PCDHA9: variants seen among roughly 807,000 people sequenced by gnomAD.
PCDHA9 encodes the protein protocadherin alpha-9.
A neutral mutation model predicts 62.0 loss-of-function variants in PCDHA9; 62 were observed. The observed-to-expected ratio is 1.00, with a 90% CI of 0.81 to 1.23. The LOEUF (loss-of-function observed/expected upper bound fraction) is 1.23. Among genes scored for constraint, PCDHA9 ranks in the 50% most tolerant of loss-of-function variants. PCDHA9 has a pLI of 0.00. For missense variants in PCDHA9, 1,205 were observed against 1,249.8 expected (o/e 0.96, Z 0.54); for synonymous variants, 557 against 567.6 (o/e 0.98, Z 0.27).
intron 1 of PCDHA9, among the ~76,000 whole-genome samples, chr5:140,892,823 C>T (rs1554185387): frequency 6.6e-6 from 1 of 152,120 alleles, no homozygotes; most frequent in East Asian, 1.9e-4. Context: ...TCCTACAGTG[C>T]TACAGTGCTG....
chr5:140,965,374 G>A (rs1554227648), intron 1 of PCDHA9, among the ~76,000 whole-genome samples: 1 of 152,098 alleles, frequency 6.6e-6, no homozygotes, highest in Admixed American at 6.6e-5. Flanking sequence ...AGGAAACTTG[G>A]GGACACAGAA....
intron 1 of PCDHA9, among the ~76,000 whole-genome samples, chr5:140,892,332 T>A (rs552266223): frequency 6.6e-6 from 1 of 152,274 alleles, no homozygotes; most frequent in African/African-American, 2.4e-5. Context: ...TTCTCCAGAA[T>A]GGATTTTAAT....
intron 3 of PCDHA9, among the ~76,000 whole-genome samples, chr5:140,986,070 A>G (rs1554247713): frequency 6.6e-6 from 1 of 152,126 alleles, no homozygotes; most frequent in African/African-American, 2.4e-5. Flanking sequence ...TTTTAAAGAA[A>G]CTGTTCATTT....
At chr5:140,871,297 G>T (rs781824958) in intron 1 of PCDHA9, 1 of 1,613,896 alleles carries the variant, frequency 6.2e-7, no homozygotes, top group Non-Finnish European at 8.5e-7. Flanking sequence ...GGGCGCGTGC[G>T]CGCCGGGGAA....
intron 1 of PCDHA9, among the ~76,000 whole-genome samples, chr5:140,885,299 G>A (rs904206700): frequency 3.9e-5 from 6 of 152,042 alleles, no homozygotes; most frequent in African/African-American, 1.4e-4. Context: ...GAGAGACCTG[G>A]TAGGCTTTTT....
intron 1 of PCDHA9, among the ~76,000 whole-genome samples, chr5:140,946,634 A>ATATATATATAT (rs1554217761): frequency 2.7e-5 from 4 of 147,312 alleles, no homozygotes; most frequent in African/African-American, 7.7e-5. Context: ...ATATATATAC[A>ATATATATATAT]ATGGAATACT....
At chr5:140,967,102 G>A (rs1279026258) in intron 1 of PCDHA9, 1 of 1,612,978 alleles carries the variant, frequency 6.2e-7, no homozygotes, top group African/African-American at 1.3e-5. Context: ...CGCTGTGTGA[G>A]CAGCGGCCTC....
intron 1 of PCDHA9, chr5:140,864,944 T>C (rs1359231248): frequency 1.3e-5 from 2 of 152,162 alleles, no homozygotes; most frequent in Non-Finnish European, 2.9e-5. Flanking sequence ...AGGCCTGTAA[T>C]CCCAGCATTT....
At chr5:140,870,289 C>G in intron 1 of PCDHA9, 1 of 1,614,214 alleles carries the variant, frequency 6.2e-7, no homozygotes, top group Non-Finnish European at 8.5e-7. Flanking sequence ...TCCCTTCAAG[C>G]TGGTGTCCAC....
intron 1 of PCDHA9, chr5:140,856,613 A>G: frequency 6.3e-7 from 1 of 1,598,082 alleles, no homozygotes; most frequent in Non-Finnish European, 8.6e-7. Flanking sequence ...AGACAAAGAC[A>G]AATTCCCAGT....
intron 1 of PCDHA9, among the ~76,000 whole-genome samples, chr5:140,962,929 A>T (rs1386992197): frequency 1.3e-5 from 2 of 152,070 alleles, no homozygotes; most frequent in Non-Finnish European, 2.9e-5. Context: ...ATACTTCTCA[A>T]CCTCCTCTCC....
At chr5:140,938,322 A>G (rs1467948489) in intron 1 of PCDHA9, among the ~76,000 whole-genome samples, 1 of 152,240 alleles carries the variant, frequency 6.6e-6, no homozygotes, top group Admixed American at 6.5e-5. Context: ...ATTGAATAGA[A>G]GTAATGTTAA....
intron 3 of PCDHA9, among the ~76,000 whole-genome samples, chr5:141,008,339 C>T (rs782805145): frequency 1.1e-4 from 16 of 152,176 alleles, no homozygotes; most frequent in Non-Finnish European, 1.5e-4. Context: ...TTTGATGGAG[C>T]TTTTCACGTG....
chr5:140,899,607 TC>T (rs1301087468), intron 1 of PCDHA9, among the ~76,000 whole-genome samples: 11 of 152,322 alleles, frequency 7.2e-5, no homozygotes, highest in African/African-American at 2.6e-4. Flanking sequence ...GACTTTTGCA[TC>T]AATGTTCATC....
At chr5:140,970,758 A>T (rs1217450283) in intron 1 of PCDHA9, among the ~76,000 whole-genome samples, 2 of 152,232 alleles carry the variant, frequency 1.3e-5, no homozygotes, top group East Asian at 3.8e-4. Flanking sequence ...ATTTTCATTG[A>T]CATATTGCTG....
chr5:140,907,037 A>G (rs2073120356), intron 1 of PCDHA9, among the ~76,000 whole-genome samples: 1 of 152,202 alleles, frequency 6.6e-6, no homozygotes, highest in Non-Finnish European at 1.5e-5. Flanking sequence ...ATAATGTCAC[A>G]GGGACAGTAA....
intron 1 of PCDHA9, among the ~76,000 whole-genome samples, chr5:140,943,906 C>T (rs963288804): frequency 2.0e-5 from 3 of 152,156 alleles, no homozygotes; most frequent in African/African-American, 7.2e-5. Context: ...ATGTCATGAG[C>T]ACTTTAGCAT....
chr5:140,891,225 T>C (rs1554184733), intron 1 of PCDHA9, among the ~76,000 whole-genome samples: 1 of 152,222 alleles, frequency 6.6e-6, no homozygotes, highest in Non-Finnish European at 1.5e-5. Context: ...TTTATAATCA[T>C]CCTGTTCTGG....
At chr5:140,875,339 T>C in intron 1 of PCDHA9, 2 of 1,441,270 alleles carry the variant, frequency 1.4e-6, no homozygotes, top group Non-Finnish European at 1.8e-6. Flanking sequence ...TAGGATCGAC[T>C]CCATAATGAC....
Sources: allele counts gnomAD v4.1 joint callset (sites outside exome capture counted in the v4.1 genomes callset), GRCh38; gene constraint gnomAD v4.1.1; transcripts MANE v1.5; gene names NCBI Gene and HGNC (gene_info 2026-07-23, HGNC 2026-07-21).